ZNF208: variants seen among roughly 807,000 people sequenced by gnomAD.
ZNF208 encodes the protein zinc finger protein 95.
Under a neutral mutation model 12.1 loss-of-function variants are expected in ZNF208, and 10 were observed. The observed-to-expected ratio is 0.83, with a 90% CI of 0.51 to 1.40. The LOEUF is 1.40. ZNF208 is among the 40% of genes most tolerant of loss of function. The pLI, the probability that ZNF208 is intolerant of heterozygous loss-of-function variation, is 0.00. For missense variants in ZNF208, 1,652 were observed against 1,485.0 expected, an observed-to-expected ratio of 1.11 and a Z score of -1.85; for synonymous variants, 497 against 488.4, an observed-to-expected ratio of 1.02 and a Z score of -0.23.
At position 21,968,065 on chromosome 19, in the gene ZNF208, G is replaced by A. The variant is rs1019334726; in HGVS notation, c.*3126C>T. The A allele has an allele frequency of 3.9e-5, 6 of 152,002 alleles. No individual in the cohort carries two copies. Among genetic ancestry groups the A allele is most frequent in the African/African-American group, 1.4e-4 (6 of 41,412 alleles). The allele number at this position is 152,002 out of a possible 1,614,324, so 9.4% of individuals were successfully genotyped here. ...TTGAATATTATTGGTGTACAGAAAT[G>A]CTATGCATTTGTGCTGATTTTGTAT... On this transcript the variant is annotated 3_prime_UTR_variant, in exon 4 of 4. Transcript: ENST00000397126.
intron 3 of ZNF208, among the ~76,000 whole-genome samples, chr19:21,975,823 C>CAAAA (rs532995268): frequency 3.8e-5 from 1 of 26,406 alleles, no homozygotes; most frequent in Non-Finnish European, 6.7e-5. Context: ...AGTCAAAGTC[C>CAAAA]AAAAAAAAAA....
Position 21,971,542 on chromosome 19 carries a change from A to G in ZNF208, c.3492T>C (p.Thr1164=). The stretch of plus-strand genomic sequence containing the variant: ...CTTCACATTTGTAGGGTTTCTCTAC[A>G]GTATGAATTTTCTTATGATAACTAA... ...STLSYHKKIH[T]VEKPYKCEEC... Residue 1164 remains threonine (T), a synonymous_variant, in exon 4 of 4, where the codon ACT becomes ACC. Coordinates refer to ENST00000397126, the MANE Select transcript of ZNF208 (RefSeq NM_007153.3). The G allele has an allele frequency of 6.2e-7, 1 of 1,610,876 alleles. No individual in the cohort carries two copies. Among genetic ancestry groups the G allele is most frequent in the Non-Finnish European group, 8.5e-7 (1 of 1,179,824 alleles).
At chr19:21,959,492 T>C (rs571904070) in intron 4 of ZNF208, among the ~76,000 whole-genome samples, 116 of 152,302 alleles carry the variant, frequency 7.6e-4, no homozygotes, top group African/African-American at 2.6e-3. Context: ...GAACCCTCTT[T>C]CACCAGAAGA....
intron 3 of ZNF208, among the ~76,000 whole-genome samples, chr19:21,977,803 C>G (rs959461222): frequency 2.6e-5 from 4 of 152,190 alleles, no homozygotes; most frequent in African/African-American, 9.7e-5. Context: ...TTCCCACAAC[C>G]AGGGAGCCCA....
chr19:21,972,165 A>T lies in ZNF208; in HGVS notation c.2869T>A (p.Ser957Thr). The stretch of plus-strand genomic sequence containing the variant: ...TTCTTATGATAACTAAGGGTTGAGG[A>T]TGACTTATAGGCTTTGCCACATGCT... ...CEACGKAYKS[S>T]STLSYHKKIH... is the part of the protein sequence containing the mutation. The change falls in exon 4 of 4, where the codon TCC becomes ACC. Residue 957 changes from serine (S) to threonine (T), a missense_variant. Coordinates refer to ENST00000397126, the MANE Select transcript of ZNF208 (RefSeq NM_007153.3). 2 of 1,608,660 alleles carry T rather than the reference A, an allele frequency of 1.2e-6. No individual in the cohort carries two copies. The highest frequency in any genetic ancestry group is 1.7e-6 in the Non-Finnish European group (2 of 1,177,564).
intron 3 of ZNF208, among the ~76,000 whole-genome samples, chr19:21,979,117 G>A (rs117442633): frequency 0.018 from 2,696 of 152,304 alleles, 48 homozygotes; most frequent in Middle Eastern, 0.034. Context: ...GTACGTGAAA[G>A]TGACAGGGAG....
chr19:22,003,993 A>G (rs1212635646), intron 1 of ZNF208, among the ~76,000 whole-genome samples: 3 of 151,886 alleles, frequency 2.0e-5, no homozygotes, highest in Non-Finnish European at 4.4e-5. Context: ...ACATGGCAAA[A>G]TCCCATCTAT....
chr19:21,950,843 A>G (rs1458850194), intron 4 of ZNF208, among the ~76,000 whole-genome samples: 1 of 152,190 alleles, frequency 6.6e-6, no homozygotes, highest in Non-Finnish European at 1.5e-5. Context: ...TAATCCAATT[A>G]GAAAACTGGC....
chr19:21,995,524 T>C (rs1209036128), intron 1 of ZNF208, among the ~76,000 whole-genome samples: 1 of 152,146 alleles, frequency 6.6e-6, no homozygotes, highest in African/African-American at 2.4e-5. Context: ...TCATAGGTAA[T>C]TGTTAGACGG....
In ZNF208 at chr19:21,969,545, A is replaced by C. The variant is rs147338023; in HGVS notation, c.*1646T>G. Among the ~76,000 whole-genome samples, 104 of 152,290 alleles carry C rather than the reference A, an allele frequency of 6.8e-4. No individual in the cohort carries two copies. Among genetic ancestry groups the C allele is most frequent in the African/African-American group, 2.3e-3 (97 of 41,572 alleles). ...ATATTTACTGTATCTGCAAAAACAT[A>C]TTTTAGTATAAACGCATTTGTGTTT... On this transcript the variant is annotated 3_prime_UTR_variant, in exon 4 of 4. Transcript: ENST00000397126.
intron 3 of ZNF208, among the ~76,000 whole-genome samples, chr19:21,979,989 C>T (rs1416582302): frequency 6.6e-6 from 1 of 152,114 alleles, no homozygotes; most frequent in East Asian, 1.9e-4. Flanking sequence ...ATGGTCATTA[C>T]ATAATGGTAA....
At chr19:21,964,699 A>G (rs929068001), downstream of ZNF208, among the ~76,000 whole-genome samples, 10 of 151,748 alleles carry the variant, frequency 6.6e-5, no homozygotes, top group African/African-American at 2.2e-4. Flanking sequence ...GCTTATTATT[A>G]CATAGAAAAT....
downstream of ZNF208, chr19:21,965,821 A>C (rs1319692499): frequency 6.6e-6 from 1 of 151,968 alleles, no homozygotes; most frequent in African/African-American, 2.4e-5. Context: ...TGATTAATCC[A>C]ATTACATTTT....
intron 1 of ZNF208, chr19:21,991,378 T>A (rs1305244320): frequency 6.6e-6 from 1 of 152,192 alleles, no homozygotes; most frequent in Non-Finnish European, 1.5e-5. Context: ...TTTTTCTAGA[T>A]AATAAAGTAT....
At chr19:22,008,639 C>G (rs1971091707) in intron 1 of ZNF208, among the ~76,000 whole-genome samples, 1 of 151,734 alleles carries the variant, frequency 6.6e-6, no homozygotes, top group African/African-American at 2.4e-5. Context: ...CTAAGAGAAT[C>G]CAGGGGCAAA....
At position 21,973,457 on chromosome 19, in the gene ZNF208, T is replaced by C. The variant is rs1298196254; in HGVS notation, c.1577A>G (p.Lys526Arg). The C allele has an allele frequency of 6.2e-7, 1 of 1,613,190 alleles. No individual in the cohort carries two copies. Among genetic ancestry groups the C allele is most frequent in the East Asian group, 2.2e-5 (1 of 44,810 alleles). Reference protein sequence around the residue: ...KRIHTGEKPYKCEECGKSFST... With the variant: ...KRIHTGEKPYRCEECGKSFST... ...GAAGCTTTTGCCACATTCTTCACAT[T>C]TGTAGGGTTTCTCTCCAGTATGAAT... Residue 526 changes from lysine to arginine, a missense_variant, in exon 4 of 4, where the codon AAA becomes AGA. Lys to Arg is a conservative substitution (Grantham distance 26, BLOSUM62 2). Transcript: ENST00000397126.
At chr19:22,005,242 A>G (rs188227703) in intron 1 of ZNF208, among the ~76,000 whole-genome samples, 1 of 152,314 alleles carries the variant, frequency 6.6e-6, no homozygotes, top group East Asian at 1.9e-4. Context: ...CATCAATGTC[A>G]AGTGGGTGTT....
Position 21,987,317 on chromosome 19 carries a change from T to A in ZNF208, c.131-6A>T, listed in dbSNP as rs773101129. ...TGGCTTAAAGGCAGCAATACCTGTTTTATTAAAAATGAACAACATGCTTCT... is the reference window on the plus strand; with the variant it reads ...TGGCTTAAAGGCAGCAATACCTGTTATATTAAAAATGAACAACATGCTTCT... On this transcript the variant is annotated splice_region_variant and splice_polypyrimidine_tract_variant and intron_variant, in intron 2 of 3. Coordinates refer to ENST00000397126, the MANE Select transcript of ZNF208 (RefSeq NM_007153.3). 1.3e-5 allele frequency: 21 copies of A among 1,602,150 alleles called. No individual in the cohort carries two copies. The highest frequency in any genetic ancestry group is 3.4e-6 in the Non-Finnish European group (4 of 1,175,522).
chr19:21,939,940 G>C (rs1305096501), intron 4 of ZNF208: 1 of 152,104 alleles, frequency 6.6e-6, no homozygotes, highest in African/African-American at 2.4e-5. Flanking sequence ...CTAAACTATT[G>C]GTTCTACCTA....
Sources: gnomAD v4.1 joint callset for allele counts (sites outside exome capture counted in the v4.1 genomes callset) on GRCh38, gnomAD v4.1.1 for gene constraint, MANE v1.5 for transcripts, NCBI Gene and HGNC (gene_info 2026-07-23, HGNC 2026-07-21) for gene names.